The following MZT2B variants were observed in gnomAD, a reference collection of about 807,000 sequenced individuals.
The protein encoded by MZT2B is mitotic-spindle organizing protein 2B.
MZT2B carries 11 observed loss-of-function variants against 12.1 expected under a neutral mutation model. The observed-to-expected ratio is 0.91, with a 90% CI of 0.57 to 1.50. The LOEUF (loss-of-function observed/expected upper bound fraction) is 1.50, where lower values mean the gene tolerates loss of function less well. MZT2B is among the 40% of genes most tolerant of loss of function. The pLI is 0.00. For synonymous variants in MZT2B, 85 were observed against 109.5 expected (o/e 0.78, Z 1.40); for missense variants, 209 against 227.7 (o/e 0.92, Z 0.53).
chr2:130,186,463 G>T (rs1180179539), intron 2 of MZT2B, among the ~76,000 whole-genome samples: 1 of 152,224 alleles, frequency 6.6e-6, no homozygotes, highest in East Asian at 1.9e-4. Context: ...TAAGTTTAGA[G>T]AAACTATACG....
chr2:130,186,456 G>GT (rs2104730637), intron 2 of MZT2B, among the ~76,000 whole-genome samples: 1 of 152,318 alleles, frequency 6.6e-6, no homozygotes, highest in African/African-American at 2.4e-5. Context: ...TTCTATTTAA[G>GT]TTTAGAGAAA....
At chr2:130,191,979 C>T (rs1427215094), downstream of MZT2B, 4 of 1,613,866 alleles carry the variant, frequency 2.5e-6, no homozygotes, top group East Asian at 2.2e-5. Flanking sequence ...CACAAAGGCC[C>T]ACTTGGCATA....
At chr2:130,183,922 C>A in intron 2 of MZT2B, 1 of 1,550,554 alleles carries the variant, frequency 6.4e-7, no homozygotes, top group Non-Finnish European at 8.7e-7. Flanking sequence ...CCAGGCCCCC[C>A]GGGTTCCCTC....
At chr2:130,183,515 T>C (rs1317239549) in intron 2 of MZT2B, 1 of 578,720 alleles carries the variant, frequency 1.7e-6, no homozygotes, top group Non-Finnish European at 3.1e-6. Context: ...CCTCTCCGCA[T>C]GTTGCTTCTG....
At chr2:130,203,255 C>T in the MZT2B span, among the ~76,000 whole-genome samples, 2 of 152,186 alleles carry the variant, frequency 1.3e-5, no homozygotes, top group Admixed American at 6.5e-5. Context: ...GTATCATCCC[C>T]CTGCATGACT....
chr2:130,198,546 C>CGTT, the MZT2B span: 1 of 680,804 alleles, frequency 1.5e-6, no homozygotes, highest in South Asian at 2.2e-5. Context: ...TCTGATTGGC[C>CGTT]GTTGCTCAAC....
chr2:130,195,075 T>C (rs1690370726), downstream of MZT2B: 3 of 1,613,056 alleles, frequency 1.9e-6, no homozygotes, highest in Non-Finnish European at 2.5e-6. Context: ...CCTTCTCTTC[T>C]TACCAGTTTG....
chr2:130,182,538 G>A, intron 1 of MZT2B, 86 bp downstream of exon 1: 2 of 1,553,320 alleles, frequency 1.3e-6, no homozygotes, highest in South Asian at 1.2e-5. Context: ...TGGTCGGGAG[G>A]AGCCCCCGCC....
At chr2:130,190,356 G>C (rs993971076) in intron 2 of MZT2B, 113 bp from the exon 3 acceptor site, 20 of 1,492,316 alleles carry the variant, frequency 1.3e-5, no homozygotes, top group African/African-American at 4.1e-5. Context: ...CTAGCTGAAG[G>C]GACTTTGATG....
At chr2:130,197,504 A>AAAG in the MZT2B span, among the ~76,000 whole-genome samples, 3 of 110,008 alleles carry the variant, frequency 2.7e-5, no homozygotes, top group African/African-American at 4.3e-5. Flanking sequence ...AAAAAAAAAA[A>AAAG]AAAAGAAAAG....
chr2:130,184,573 C>G (rs568495445), intron 2 of MZT2B: 8 of 985,292 alleles, frequency 8.1e-6, no homozygotes, highest in Non-Finnish European at 9.6e-6. Flanking sequence ...CCTGCGTGCA[C>G]TTCCTGACAG....
downstream of MZT2B, chr2:130,194,225 T>C (rs527922708): frequency 3.2e-5 from 52 of 1,612,484 alleles, no homozygotes; most frequent in Middle Eastern, 3.8e-4. Context: ...GATGGCTTCA[T>C]TGTCGACCAT....
chr2:130,196,275 C>G, the MZT2B span: 8 of 1,613,936 alleles, frequency 5.0e-6, no homozygotes, highest in Non-Finnish European at 5.9e-6. Flanking sequence ...GGCATTTGAC[C>G]ATCGGGCTGA....
In MZT2B at chr2:130,183,934, G is replaced by A. The variant is rs1021523024; in HGVS notation, c.319+1159G>A. 38 of 1,550,326 alleles carry A rather than the reference G, an allele frequency of 2.5e-5. No homozygotes were observed. In the African/African-American group the frequency reaches 3.4e-4, roughly 14 times the overall value. ...TCTCCAGGCCCCCCGGGTTCCCTCC[G>A]CCTCTCTTGCTGCCTGTTCTCTCCT... On this transcript the variant is annotated intron_variant, in intron 2 of 2. Transcript: ENST00000281871.
chr2:130,183,914 AG>A (rs1689936591), intron 2 of MZT2B: 1 of 1,550,172 alleles, frequency 6.5e-7, no homozygotes, highest in Non-Finnish European at 8.7e-7. Flanking sequence ...CTCTCTCTCC[AG>A]GCCCCCCGGG....
chr2:130,183,427 T>G (rs1689886821), intron 2 of MZT2B: 5 of 397,252 alleles, frequency 1.3e-5, no homozygotes, highest in South Asian at 1.1e-4. Flanking sequence ...AAGGGCCTCC[T>G]CCCTCTCCAG....
chr2:130,202,214 C>G, the MZT2B span: 1,006 of 968,108 alleles, frequency 1.0e-3, 2 homozygotes, highest in Middle Eastern at 2.0e-3. Context: ...CTAAAAAAAA[C>G]AGTCCTGTGA....
At chr2:130,203,048 C>CTTTTTTTT in the MZT2B span, among the ~76,000 whole-genome samples, 65 of 118,510 alleles carry the variant, frequency 5.5e-4, no homozygotes, top group South Asian at 8.4e-4. Context: ...TTTCTTTTTT[C>CTTTTTTTT]TTTTTTTTTT....
At chr2:130,189,364 T>G (rs10211127) in intron 2 of MZT2B, among the ~76,000 whole-genome samples, 62,008 of 151,986 alleles carry the variant, frequency 0.41, 12,833 homozygotes, top group Admixed American at 0.48. Flanking sequence ...CAGTGTCTGG[T>G]AACATGCAAG....
Sources: allele counts gnomAD v4.1 joint callset (sites outside exome capture counted in the v4.1 genomes callset), GRCh38; gene constraint gnomAD v4.1.1; transcripts MANE v1.5; gene names NCBI Gene and HGNC (gene_info 2026-07-23, HGNC 2026-07-21).